Variants in INPP4B observed in about 807,000 individuals in gnomAD.
INPP4B encodes the protein inositol polyphosphate 4-phosphatase type II.
In INPP4B, 55 loss-of-function variants were observed where a neutral mutation model predicts 122.5. The ratio of observed to expected loss-of-function variants is 0.45; its 90% CI spans 0.36 to 0.56. The LOEUF is 0.56. Ranked by LOEUF, INPP4B falls within the 20% of genes least tolerant of loss-of-function variation. The pLI, the probability that INPP4B is intolerant of heterozygous loss-of-function variation, is 0.00. For synonymous variants in INPP4B, 403 were observed against 388.7 expected (o/e 1.04, Z -0.43); for missense variants, 1,000 against 1,097.7 (o/e 0.91, Z 1.26).
intron 11 of INPP4B, among the ~76,000 whole-genome samples, chr4:142,241,495 A>G (rs920356790): frequency 6.6e-6 from 1 of 152,172 alleles, no homozygotes. Flanking sequence ...TCAAATTTCT[A>G]TATTGTTTCT....
At chr4:142,384,569 A>AGGATCACCATTGATCTTATG (rs1324877529) in intron 7 of INPP4B, among the ~76,000 whole-genome samples, 318 of 152,336 alleles carry the variant, frequency 2.1e-3, no homozygotes, top group Non-Finnish European at 3.9e-3. Context: ...AGAGTCTTAT[A>AGGATCACCATTGATCTTATG]GGATCACCAT....
intron 2 of INPP4B, among the ~76,000 whole-genome samples, chr4:142,498,146 C>G (rs1419901471): frequency 6.8e-6 from 1 of 147,578 alleles, no homozygotes; most frequent in Non-Finnish European, 1.5e-5. Context: ...TGTATACATA[C>G]ATATGTGTAT....
At chr4:142,823,298 T>C (rs560315914) in intron 1 of INPP4B, among the ~76,000 whole-genome samples, 4 of 152,342 alleles carry the variant, frequency 2.6e-5, no homozygotes, top group East Asian at 1.9e-4. Context: ...TGTTCATTTA[T>C]TTCTCTTTCA....
At chr4:142,550,139 G>A (rs749137470) in intron 2 of INPP4B, among the ~76,000 whole-genome samples, 3 of 152,140 alleles carry the variant, frequency 2.0e-5, no homozygotes, top group Admixed American at 6.5e-5. Context: ...GATTAAAACA[G>A]TCAAGTATTA....
intron 2 of INPP4B, among the ~76,000 whole-genome samples, chr4:142,539,334 A>G (rs560238190): frequency 1.3e-5 from 2 of 152,098 alleles, no homozygotes; most frequent in East Asian, 1.9e-4. Context: ...AGAACTATTC[A>G]TCATTAAAGA....
At chr4:142,203,439 A>G (rs1346586532) in intron 14 of INPP4B, among the ~76,000 whole-genome samples, 2 of 152,128 alleles carry the variant, frequency 1.3e-5, no homozygotes, top group African/African-American at 4.8e-5. Context: ...AAGAATTTAT[A>G]TTCCATAATA....
At chr4:142,392,434 G>A (rs1798015158) in intron 7 of INPP4B, among the ~76,000 whole-genome samples, 1 of 152,154 alleles carries the variant, frequency 6.6e-6, no homozygotes, top group Non-Finnish European at 1.5e-5. Context: ...CTTATACATG[G>A]ATAACCTTAT....
chr4:142,755,041 C>T (rs555714273), intron 1 of INPP4B, among the ~76,000 whole-genome samples: 13 of 152,138 alleles, frequency 8.5e-5, no homozygotes, highest in African/African-American at 3.1e-4. Flanking sequence ...GTGACTCTTG[C>T]ACACATACTT....
intron 12 of INPP4B, among the ~76,000 whole-genome samples, chr4:142,214,146 G>T (rs894248004): frequency 6.6e-6 from 1 of 152,114 alleles, no homozygotes; most frequent in South Asian, 2.1e-4. Context: ...GAGTCCCTTT[G>T]TGTCCCATCA....
At chr4:142,507,707 T>G (rs1232624533) in intron 2 of INPP4B, among the ~76,000 whole-genome samples, 1 of 152,120 alleles carries the variant, frequency 6.6e-6, no homozygotes, top group Non-Finnish European at 1.5e-5. Context: ...ACTCTGGATG[T>G]GAGTTGCCAG....
intron 3 of INPP4B, among the ~76,000 whole-genome samples, chr4:142,445,189 G>GA (rs968396425): frequency 2.5e-4 from 37 of 150,222 alleles, no homozygotes; most frequent in South Asian, 8.4e-4. Flanking sequence ...AATAAAAAAA[G>GA]AAAAAAAAAT....
intron 18 of INPP4B, among the ~76,000 whole-genome samples, chr4:142,128,783 C>G (rs1799885525): frequency 6.6e-6 from 1 of 152,110 alleles, no homozygotes; most frequent in Admixed American, 6.6e-5. Context: ...GGGTGCCCCC[C>G]TCACCTCCTC....
chr4:142,589,516 A>G (rs1260278173), intron 2 of INPP4B, among the ~76,000 whole-genome samples: 5 of 152,130 alleles, frequency 3.3e-5, no homozygotes, highest in Non-Finnish European at 7.4e-5. Flanking sequence ...GTCAAACAGC[A>G]TATGAAAAAC....
chr4:142,592,609 C>A (rs894279796), intron 2 of INPP4B, among the ~76,000 whole-genome samples: 3 of 152,088 alleles, frequency 2.0e-5, no homozygotes, highest in African/African-American at 7.2e-5. Flanking sequence ...GTTCAAGGTT[C>A]CTGCTACCCA....
intron 2 of INPP4B, among the ~76,000 whole-genome samples, chr4:142,722,589 C>T (rs59800331): frequency 0.031 from 4,652 of 152,226 alleles, 228 homozygotes; most frequent in African/African-American, 0.11. Context: ...AAGCCACATT[C>T]TTAAAAACTA....
chr4:142,668,469 A>G (rs1454034070), intron 2 of INPP4B, among the ~76,000 whole-genome samples: 1 of 152,204 alleles, frequency 6.6e-6, no homozygotes, highest in African/African-American at 2.4e-5. Flanking sequence ...ATTTACTTCT[A>G]TTTAACCTAG....
chr4:142,224,771 A>G (rs1850807455), intron 12 of INPP4B, among the ~76,000 whole-genome samples: 1 of 152,168 alleles, frequency 6.6e-6, no homozygotes, highest in South Asian at 2.1e-4. Flanking sequence ...TTTAGTGCTA[A>G]ACAAAATGTA....
At chr4:142,061,662 A>G (rs908832099) in intron 25 of INPP4B, among the ~76,000 whole-genome samples, 4 of 151,914 alleles carry the variant, frequency 2.6e-5, no homozygotes, top group South Asian at 2.1e-4. Flanking sequence ...GAATACACAT[A>G]TATCTCAGGA....
chr4:142,487,550 GAACT>G (rs1241771696), intron 2 of INPP4B, among the ~76,000 whole-genome samples: 3 of 152,090 alleles, frequency 2.0e-5, no homozygotes, highest in South Asian at 4.1e-4. Context: ...AATTTTTGGA[GAACT>G]AATAAAATTG....
Sources: allele counts gnomAD v4.1 joint callset (sites outside exome capture counted in the v4.1 genomes callset), GRCh38; gene constraint gnomAD v4.1.1; transcripts MANE v1.5; gene names NCBI Gene and HGNC (gene_info 2026-07-23, HGNC 2026-07-21).